The following OSBP variants were observed in gnomAD, a reference collection of about 807,000 sequenced individuals.
OSBP encodes the protein oxysterol-binding protein 1.
A neutral mutation model predicts 96.6 loss-of-function variants in OSBP; 32 were observed. That is an observed-to-expected ratio of 0.33 (90% CI 0.25 to 0.45). The LOEUF (loss-of-function observed/expected upper bound fraction) is 0.45, where lower values mean the gene tolerates loss of function less well. Ranked by LOEUF, OSBP falls within the 20% of genes least tolerant of loss-of-function variation. The pLI is 1.00. For missense variants in OSBP, 653 were observed against 1,029.7 expected, an observed-to-expected ratio of 0.63 and a Z score of 5.01; for synonymous variants, 369 against 389.6, an observed-to-expected ratio of 0.95 and a Z score of 0.62.
chr11:59,610,671 G>A (rs1441211186), intron 1 of OSBP, 82 bp from the exon 2 acceptor site: 1 of 1,119,808 alleles, frequency 8.9e-7, no homozygotes. Flanking sequence ...TCATAACTCT[G>A]AGCTCCCTGA....
rs1860352412 is a variant in OSBP at position 59,575,567 on chromosome 11, G to GAATAATGGAAT, written c.*1009_*1010insATTCCATTATT. 2.0e-5 allele frequency: 3 copies of GAATAATGGAAT among 152,588 alleles called. No individual in the cohort carries two copies. Among genetic ancestry groups the GAATAATGGAAT allele is most frequent in the African/African-American group, 7.2e-5 (3 of 41,442 alleles). 9.5% of individuals were successfully genotyped at this position (152,588 alleles called of 1,614,324 possible). On this transcript the variant is annotated 3_prime_UTR_variant, in exon 14 of 14. Coordinates refer to ENST00000263847, the MANE Select transcript of OSBP (RefSeq NM_002556.3). ...TATTTAACACATTATTCCAGAGGTG[G>GAATAATGGAAT]CTCCAGTCCTTGGGGCTTGAGAGAT...
intron 1 of OSBP, 137 bp from the exon 2 acceptor site, chr11:59,610,726 G>C: frequency 4.4e-6 from 3 of 679,568 alleles, no homozygotes; most frequent in Non-Finnish European, 7.8e-6. Flanking sequence ...TCCCTCAAAC[G>C]GGTCCCTAAA....
At chr11:59,604,036 G>A (rs1860751342) in intron 3 of OSBP, among the ~76,000 whole-genome samples, 1 of 152,160 alleles carries the variant, frequency 6.6e-6, no homozygotes, top group Non-Finnish European at 1.5e-5. Flanking sequence ...ACAGTACAGA[G>A]TGCATACTCT....
Position 59,615,548 on chromosome 11 carries a change from CG to C in OSBP, c.116del (p.Ala39GlyfsTer74). 7.4e-7 allele frequency: 1 copy of C among 1,351,574 alleles called. No individual in the cohort carries two copies. 83.7% of individuals were successfully genotyped at this position (1,351,574 alleles called of 1,614,324 possible). A position where few individuals can be genotyped will look rare whatever the true frequency, so the allele number is the denominator to read the frequency against. On this transcript the variant is annotated frameshift_variant, in exon 1 of 14. Transcript: ENST00000263847. LOFTEE classifies it high-confidence loss of function. Reference protein sequence around the residue: ...VVGGGGGRGDAGPGSGAASGT... With the variant: ...VVGGGGGRGDXGPGSGAASGT... ...CTGACGCGGCCCCGGAGCCTGGCCC[CG>C]CATCTCCGCGGCCGCCGCCTCCTCC... is the stretch of plus-strand genomic sequence containing the variant.
chr11:59,594,886 A>C (rs1406369327), intron 7 of OSBP, among the ~76,000 whole-genome samples: 1 of 152,124 alleles, frequency 6.6e-6, no homozygotes, highest in Non-Finnish European at 1.5e-5. Context: ...AAGCCAGCTT[A>C]AGGCGACCAA....
At chr11:59,614,016 T>C (rs1860888018) in intron 1 of OSBP, among the ~76,000 whole-genome samples, 1 of 152,176 alleles carries the variant, frequency 6.6e-6, no homozygotes, top group Admixed American at 6.5e-5. Flanking sequence ...GTGTTTTGGG[T>C]CTCAAAGAGG....
intron 7 of OSBP, among the ~76,000 whole-genome samples, chr11:59,596,657 G>A (rs1860661904): frequency 6.6e-6 from 1 of 152,062 alleles, no homozygotes; most frequent in African/African-American, 2.4e-5. Context: ...TGGAGAGATG[G>A]GGAGAAGCAG....
At chr11:59,580,313 C>A in intron 10 of OSBP, 44 bp from the exon 11 acceptor site, 1 of 1,141,108 alleles carries the variant, frequency 8.8e-7, no homozygotes. Context: ...TGGATAAATT[C>A]AATGTCTGCC....
At position 59,578,231 on chromosome 11, in the gene OSBP, C is replaced by A. The variant is rs1294392978; in HGVS notation, c.1978G>T (p.Gly660Trp). 2 of 1,614,066 alleles carry A rather than the reference C, an allele frequency of 1.2e-6. No individual in the cohort carries two copies. Among genetic ancestry groups the A allele is most frequent in the African/African-American group, 2.7e-5 (2 of 74,920 alleles). ...TGTCGAGCATCACCCCCATTTTCCCCAATGACTGGCTGTACTTTGAAACAT... is the reference window on the plus strand; with the variant it reads ...TGTCGAGCATCACCCCCATTTTCCCAAATGACTGGCTGTACTTTGAAACAT... ...MECFKVQPVI[G>W]ENGGDARQRG... Residue 660 changes from glycine (G) to tryptophan (W), a missense_variant, in exon 12 of 14, where the codon GGG becomes TGG. Gly to Trp is a radical substitution (Grantham distance 184, BLOSUM62 -2). Coordinates refer to ENST00000263847, the MANE Select transcript of OSBP (RefSeq NM_002556.3).
chr11:59,610,604 CAA>C lies in OSBP; in HGVS notation c.363-17_363-16del, dbSNP rs768212663. On this transcript the variant is annotated splice_polypyrimidine_tract_variant and intron_variant, in intron 1 of 13. Transcript: ENST00000263847. ...CTGCCTTTGATCTGTAATAACAAGA[CAA>C]AGACAATTTAAACAGAAAGTTGACG... 6.3e-7 allele frequency: 1 copy of C among 1,598,780 alleles called. No homozygotes were observed. The highest frequency in any genetic ancestry group is 1.7e-5 in the Admixed American group (1 of 60,000).
chr11:59,606,159 T>C (rs1031231267), intron 3 of OSBP, among the ~76,000 whole-genome samples: 8 of 152,310 alleles, frequency 5.3e-5, no homozygotes, highest in Admixed American at 1.3e-4. Context: ...CCTCACTAAA[T>C]AGTGATCTTC....
intron 3 of OSBP, among the ~76,000 whole-genome samples, chr11:59,602,644 T>C (rs2134671037): frequency 6.6e-6 from 1 of 152,308 alleles, no homozygotes; most frequent in East Asian, 1.9e-4. Flanking sequence ...TCACCATTTC[T>C]TGCACACAGA....
rs193282340 is a variant in OSBP, at chr11:59,591,659, C to T, written c.1678+1945G>A. 2.7e-3 allele frequency among the ~76,000 whole-genome samples: 379 copies of T among 141,638 alleles called. 1 individual carries two copies. Among genetic ancestry groups the T allele is most frequent in the African/African-American group, 9.4e-3 (360 of 38,114 alleles). The allele number at this position is 141,638 out of a possible 152,430, so 92.9% of individuals were successfully genotyped here. A position where few individuals can be genotyped will look rare whatever the true frequency, so the allele number is the denominator to read the frequency against. ...TTTTTTTGAGGAGTTCTGCTCTTGT[C>T]GCCCAGGCTGGAGTGAAATGGCGTG... is the stretch of plus-strand genomic sequence containing the variant. On this transcript the variant is annotated intron_variant, in intron 9 of 13. Coordinates refer to ENST00000263847, the MANE Select transcript of OSBP (RefSeq NM_002556.3).
intron 9 of OSBP, among the ~76,000 whole-genome samples, chr11:59,589,291 T>C (rs1018479771): frequency 1.3e-5 from 2 of 148,938 alleles, no homozygotes; most frequent in African/African-American, 4.9e-5. Flanking sequence ...TCTGTGCCAA[T>C]AGTCTTAATT....
At chr11:59,578,598 T>A (rs1311714478) in intron 11 of OSBP, among the ~76,000 whole-genome samples, 3 of 152,186 alleles carry the variant, frequency 2.0e-5, no homozygotes, top group Non-Finnish European at 2.9e-5. Context: ...TACAGGCATG[T>A]GCCACCATAT....
intron 3 of OSBP, among the ~76,000 whole-genome samples, chr11:59,608,068 G>A (rs1229963493): frequency 6.6e-6 from 1 of 152,112 alleles, no homozygotes; most frequent in Admixed American, 6.6e-5. Context: ...ACATGACAAT[G>A]GAAGGGACTC....
intron 9 of OSBP, among the ~76,000 whole-genome samples, chr11:59,587,778 TAAG>T (rs1448460943): frequency 6.6e-6 from 1 of 152,226 alleles, no homozygotes; most frequent in African/African-American, 2.4e-5. Flanking sequence ...CTCAAAAAAC[TAAG>T]AATATAATTG....
rs571509578 is a variant in OSBP, at chr11:59,604,527, C to T, written c.823-2689G>A. On this transcript the variant is annotated intron_variant, in intron 3 of 13. Transcript: ENST00000263847. ...GACCAGCCTGGCCAACATAGTGAAA[C>T]CCCATCTCTACTAAAAATACAAAAA... Among the ~76,000 whole-genome samples the T allele has an allele frequency of 3.9e-5, 6 of 152,158 alleles. No individual in the cohort carries two copies. The East Asian group carries it at 1.2e-3, about 29-fold the overall frequency.
intron 7 of OSBP, among the ~76,000 whole-genome samples, chr11:59,598,159 T>A (rs1292952521): frequency 6.6e-6 from 1 of 152,238 alleles, no homozygotes; most frequent in African/African-American, 2.4e-5. Context: ...TATTTGTACA[T>A]AAACCTATTT....
Sources: gnomAD v4.1 joint callset for allele counts (sites outside exome capture counted in the v4.1 genomes callset) on GRCh38, gnomAD v4.1.1 for gene constraint, MANE v1.5 for transcripts, NCBI Gene and HGNC (gene_info 2026-07-23, HGNC 2026-07-21) for gene names.